Variants in FAM78B observed in about 807,000 individuals in gnomAD.
FAM78B encodes protein FAM78B.
FAM78B carries 10 observed loss-of-function variants against 20.0 expected under a neutral mutation model. The ratio of observed to expected loss-of-function variants is 0.50; its 90% confidence interval spans 0.31 to 0.85. FAM78B has a LOEUF of 0.85. FAM78B is among the 40% of genes least tolerant of loss of function. FAM78B has a pLI of 0.05. For missense variants in FAM78B, 283 were observed against 345.0 expected, an observed-to-expected ratio of 0.82 and a Z score of 1.42; for synonymous variants, 135 against 132.8, an observed-to-expected ratio of 1.02 and a Z score of -0.12.
chr1:166,108,154 C>T (rs1653860762), intron 1 of FAM78B, among the ~76,000 whole-genome samples: 1 of 152,034 alleles, frequency 6.6e-6, no homozygotes, highest in Non-Finnish European at 1.5e-5. Context: ...AGCAATCAGA[C>T]AAGAGAAAGA....
chr1:166,089,407 G>A (rs1324174005), intron 1 of FAM78B, among the ~76,000 whole-genome samples: 1 of 152,176 alleles, frequency 6.6e-6, no homozygotes, highest in Admixed American at 6.5e-5. Flanking sequence ...ACATGAAACA[G>A]GTAGCGACAA....
exon 3 of FAM78B, chr1:166,060,650 T>A: frequency 7.8e-7 from 1 of 1,288,746 alleles, no homozygotes; most frequent in East Asian, 5.6e-5. Flanking sequence ...GCTTTCCTTG[T>A]CCTACTAGGA....
intron 1 of FAM78B, among the ~76,000 whole-genome samples, chr1:166,093,396 TC>T (rs1382933085): frequency 6.6e-6 from 1 of 152,102 alleles, no homozygotes; most frequent in Non-Finnish European, 1.5e-5. Flanking sequence ...TTCCCATTGC[TC>T]CCACCAGGAA....
At chr1:166,130,482 G>A (rs1426464489) in intron 1 of FAM78B, among the ~76,000 whole-genome samples, 1 of 152,116 alleles carries the variant, frequency 6.6e-6, no homozygotes, top group East Asian at 1.9e-4. Context: ...GGACAATTCT[G>A]CCCTTCAGAG....
intron 1 of FAM78B, among the ~76,000 whole-genome samples, chr1:166,103,512 A>G (rs1653619388): frequency 6.6e-6 from 1 of 152,240 alleles, no homozygotes; most frequent in African/African-American, 2.4e-5. Flanking sequence ...AAAAAATGAT[A>G]AGGGGGATAT....
At chr1:166,123,749 T>C (rs1022240249) in intron 1 of FAM78B, among the ~76,000 whole-genome samples, 14 of 152,258 alleles carry the variant, frequency 9.2e-5, no homozygotes, top group Admixed American at 2.0e-4. Flanking sequence ...GCCTTCTCCA[T>C]GGGGTGAGGA....
At position 166,083,661 on chromosome 1, in the gene FAM78B, C is replaced by T. The variant is rs540626385; in HGVS notation, c.264-12898G>A. Among the ~76,000 whole-genome samples, 12 of 152,260 alleles carry T rather than the reference C, an allele frequency of 7.9e-5. No homozygotes were observed. In the South Asian group the frequency reaches 1.0e-3, roughly 13 times the overall value. ...CTAGGACTACACGTGCGTGCCACCA[C>T]GCCCAGCTGATTTTTGTAGTTTTAG... On this transcript the variant is annotated intron_variant, in intron 1 of 1. Coordinates refer to ENST00000354422, the MANE Select transcript of FAM78B (RefSeq NM_001017961.5).
At chr1:166,075,073 G>A (rs1318608077) in intron 1 of FAM78B, among the ~76,000 whole-genome samples, 2 of 152,240 alleles carry the variant, frequency 1.3e-5, no homozygotes, top group African/African-American at 4.8e-5. Context: ...GGGCAGGGTA[G>A]TATCGGTTTG....
downstream of FAM78B, among the ~76,000 whole-genome samples, chr1:166,064,689 C>A (rs765962796): frequency 2.0e-5 from 3 of 152,204 alleles, no homozygotes; most frequent in Non-Finnish European, 2.9e-5. Flanking sequence ...TGGTTTTGGG[C>A]TTCCAAGTAG....
intron 1 of FAM78B, chr1:166,164,695 G>A (rs1656290389): frequency 6.6e-6 from 1 of 152,210 alleles, no homozygotes; most frequent in Non-Finnish European, 1.5e-5. Context: ...TGCTCTCAGA[G>A]TGCAATAAAA....
At chr1:166,062,404 G>A (rs936084700) in intron 2 of FAM78B, among the ~76,000 whole-genome samples, 1 of 152,230 alleles carries the variant, frequency 6.6e-6, no homozygotes, top group Non-Finnish European at 1.5e-5. Flanking sequence ...GAATCCAACT[G>A]AGTTTAAAGC....
At chr1:166,126,913 A>G (rs1017180379) in intron 1 of FAM78B, among the ~76,000 whole-genome samples, 1 of 152,210 alleles carries the variant, frequency 6.6e-6, no homozygotes, top group Non-Finnish European at 1.5e-5. Flanking sequence ...ATGGAAACCA[A>G]GATGTTTCAT....
At chr1:166,159,041 C>T (rs1320545939) in intron 1 of FAM78B, among the ~76,000 whole-genome samples, 1 of 152,162 alleles carries the variant, frequency 6.6e-6, no homozygotes, top group Non-Finnish European at 1.5e-5. Flanking sequence ...TCAAAGTGGT[C>T]CAGGGAAGGA....
intron 1 of FAM78B, among the ~76,000 whole-genome samples, chr1:166,113,483 T>C (rs967311552): frequency 1.3e-5 from 2 of 152,236 alleles, no homozygotes; most frequent in Non-Finnish European, 2.9e-5. Context: ...CGACTAAGCA[T>C]ACAACTAAAT....
intron 1 of FAM78B, among the ~76,000 whole-genome samples, chr1:166,120,208 C>T (rs941519988): frequency 6.6e-6 from 1 of 152,192 alleles, no homozygotes; most frequent in South Asian, 2.1e-4. Context: ...CTCACACAGC[C>T]ATAAGGTCAG....
At chr1:166,109,820 A>ATGTG in intron 1 of FAM78B, among the ~76,000 whole-genome samples, 2 of 18,502 alleles carry the variant, frequency 1.1e-4, no homozygotes, top group African/African-American at 4.1e-4. Flanking sequence ...ATATGTATAT[A>ATGTG]TATATATATA....
At chr1:166,154,149 C>T (rs1655802506) in intron 1 of FAM78B, among the ~76,000 whole-genome samples, 1 of 152,204 alleles carries the variant, frequency 6.6e-6, no homozygotes, top group Non-Finnish European at 1.5e-5. Flanking sequence ...CTGGCCCCCT[C>T]ACAATCTGTC....
At chr1:166,087,488 G>C (rs1168856942) in intron 1 of FAM78B, 2 of 152,186 alleles carry the variant, frequency 1.3e-5, no homozygotes, top group Non-Finnish European at 2.9e-5. Flanking sequence ...TTAAGTACTT[G>C]TGGAAGGAAA....
chr1:166,152,352 G>A (rs1248167546), intron 1 of FAM78B, among the ~76,000 whole-genome samples: 1 of 152,172 alleles, frequency 6.6e-6, no homozygotes. Flanking sequence ...CAGGACCAAA[G>A]GTCAAGAATT....
Sources: gnomAD v4.1 joint callset for allele counts (sites outside exome capture counted in the v4.1 genomes callset) on GRCh38, gnomAD v4.1.1 for gene constraint, MANE v1.5 for transcripts, NCBI Gene and HGNC (gene_info 2026-07-23, HGNC 2026-07-21) for gene names.